The following FGF12 variants were observed in gnomAD, a reference collection of about 807,000 sequenced individuals.
FGF12 encodes the protein fibroblast growth factor 12, also known as fibroblast growth factor 12B.
FGF12 carries 14 observed loss-of-function variants against 23.6 expected under a neutral mutation model. The ratio of observed to expected loss-of-function variants is 0.59; its 90% CI spans 0.39 to 0.93. The LOEUF is 0.93. FGF12 is among the 40% of genes least tolerant of loss of function. The pLI, the probability that FGF12 is intolerant of heterozygous loss-of-function variation, is 0.00. For synonymous variants in FGF12, 62 were observed against 77.3 expected, an observed-to-expected ratio of 0.80 and a Z score of 1.04; for missense variants, 175 against 217.8, an observed-to-expected ratio of 0.80 and a Z score of 1.24.
At chr3:192,725,037 C>T (rs374780746) in intron 2 of FGF12, among the ~76,000 whole-genome samples, 5 of 152,132 alleles carry the variant, frequency 3.3e-5, no homozygotes, top group East Asian at 1.9e-4. Flanking sequence ...AGTTTGTACA[C>T]GGCAGCATAA....
chr3:192,626,809 C>A (rs1025151502), intron 2 of FGF12, among the ~76,000 whole-genome samples: 2 of 152,136 alleles, frequency 1.3e-5, no homozygotes, highest in African/African-American at 4.8e-5. Flanking sequence ...TGTCTCACTG[C>A]ATTGCCCAGG....
rs57045697 is a variant in FGF12, at chr3:192,686,815, A to ATTTTTTTTT, written c.13+40357_13+40365dup. Among the ~76,000 whole-genome samples, 18 of 61,480 alleles carry ATTTTTTTTT rather than the reference A, an allele frequency of 2.9e-4. 1 individual carries two copies. The highest frequency in any genetic ancestry group is 1.3e-3 in the African/African-American group (16 of 12,294). The allele number at this position is 61,480 out of a possible 152,430, so 40.3% of individuals were successfully genotyped here. A position where few individuals can be genotyped will look rare whatever the true frequency, so the allele number is the denominator to read the frequency against. The stretch of plus-strand genomic sequence containing the variant: ...AAAAAGACAATGACTTTTTTCTCTA[A>ATTTTTTTTT]TTTTTTTTTTTTTTTTTTTTTTTTT... On this transcript the variant is annotated intron_variant, in intron 2 of 5. Coordinates refer to ENST00000445105, the MANE Select transcript of FGF12 (RefSeq NM_004113.6).
At chr3:192,697,371 G>C (rs901809425) in intron 2 of FGF12, among the ~76,000 whole-genome samples, 4 of 152,144 alleles carry the variant, frequency 2.6e-5, no homozygotes, top group African/African-American at 9.7e-5. Flanking sequence ...TCTCCCATCA[G>C]CAATCTGAGG....
intron 2 of FGF12, among the ~76,000 whole-genome samples, chr3:192,397,079 G>T (rs2108766878): frequency 6.6e-6 from 1 of 152,320 alleles, no homozygotes; most frequent in East Asian, 1.9e-4. Flanking sequence ...TCAAAGAAGG[G>T]AGTTTTGTGG....
chr3:192,518,181 T>G (rs1361659236), intron 2 of FGF12, among the ~76,000 whole-genome samples: 3 of 152,194 alleles, frequency 2.0e-5, no homozygotes, highest in Non-Finnish European at 4.4e-5. Flanking sequence ...TAGTTGGGAT[T>G]TTTTAAAGTT....
At chr3:192,239,360 C>T (rs1353409244) in intron 4 of FGF12, among the ~76,000 whole-genome samples, 1 of 152,198 alleles carries the variant, frequency 6.6e-6, no homozygotes, top group East Asian at 1.9e-4. Flanking sequence ...GAACAAATCC[C>T]TGATCTCTTA....
rs934390167 is a variant in FGF12, at chr3:192,404,145, T to A, written c.14-43607A>T. On this transcript the variant is annotated intron_variant, in intron 2 of 5. Transcript: ENST00000445105. ...GAAGATCTTTAGGTTTTAAGATAGA[T>A]TTTTCCTGATTGATTATTCTTTTCA... Among the ~76,000 whole-genome samples, 11 of 152,290 alleles carry A rather than the reference T, an allele frequency of 7.2e-5. No individual in the cohort carries two copies. The South Asian group carries it at 2.1e-3, about 29-fold the overall frequency.
chr3:192,717,826 T>C (rs761384909), intron 2 of FGF12, among the ~76,000 whole-genome samples: 5 of 152,210 alleles, frequency 3.3e-5, no homozygotes, highest in South Asian at 2.1e-4. Flanking sequence ...CCCATGTTCA[T>C]AAACATGTTA....
chr3:192,258,150 G>A (rs765617600), intron 4 of FGF12, among the ~76,000 whole-genome samples: 5 of 151,934 alleles, frequency 3.3e-5, no homozygotes, highest in Non-Finnish European at 7.4e-5. Context: ...TATAAGACAC[G>A]ACAATAAATA....
At chr3:192,236,732 T>C (rs949562554) in intron 4 of FGF12, among the ~76,000 whole-genome samples, 3 of 152,170 alleles carry the variant, frequency 2.0e-5, no homozygotes, top group African/African-American at 7.2e-5. Context: ...TTTGAGCATA[T>C]GGATGTCATT....
At chr3:192,301,936 C>T (rs1715370756) in intron 4 of FGF12, among the ~76,000 whole-genome samples, 1 of 151,984 alleles carries the variant, frequency 6.6e-6, no homozygotes. Flanking sequence ...ATTTACTCTC[C>T]AAATCAGAGC....
intron 2 of FGF12, among the ~76,000 whole-genome samples, chr3:192,569,625 A>G (rs971531288): frequency 6.6e-6 from 1 of 152,242 alleles, no homozygotes; most frequent in Non-Finnish European, 1.5e-5. Context: ...AGTAAGATTT[A>G]TCGCAGGTAG....
In FGF12 at chr3:192,268,339, C is replaced by G. The variant is rs538327858; in HGVS notation, c.228+67022G>C. Among the ~76,000 whole-genome samples the G allele has an allele frequency of 3.9e-5, 6 of 152,272 alleles. No homozygotes were observed. The East Asian group carries it at 1.2e-3, about 29-fold the overall frequency. On this transcript the variant is annotated intron_variant, in intron 4 of 5. Transcript: ENST00000445105. ...TCTAAAACTAGATTTAACACCAGAA[C>G]TCTAGATGTGGGTTTTCAAATGGAA...
chr3:192,260,797 TA>T (rs963588994), intron 4 of FGF12, among the ~76,000 whole-genome samples: 1 of 152,120 alleles, frequency 6.6e-6, no homozygotes, highest in African/African-American at 2.4e-5. Context: ...ACTCATTTCT[TA>T]AAAAGTTAAA....
At chr3:192,497,096 C>A (rs1038676234) in intron 2 of FGF12, among the ~76,000 whole-genome samples, 2 of 152,172 alleles carry the variant, frequency 1.3e-5, no homozygotes, top group Non-Finnish European at 2.9e-5. Flanking sequence ...CTCTTCTCTA[C>A]TCCATGTGAA....
In FGF12 at chr3:192,143,249, G is replaced by C. The variant is rs1174191027; in HGVS notation, c.*760C>G. 1.4e-5 allele frequency: 2 copies of C among 146,554 alleles called. No homozygotes were observed. The highest frequency in any genetic ancestry group is 2.5e-5 in the African/African-American group (1 of 39,834). 9.1% of individuals were successfully genotyped at this position (146,554 alleles called of 1,614,324 possible). A position where few individuals can be genotyped will look rare whatever the true frequency, so the allele number is the denominator to read the frequency against. ...AAAAAAAAAAAAAAGAAAGAAAGAA[G>C]AACTCCGGAAATAATATCTTTGATA... On this transcript the variant is annotated 3_prime_UTR_variant, in exon 6 of 6. Transcript: ENST00000445105.
Position 192,170,276 on chromosome 3 carries a change from C to T in FGF12, c.427+182G>A, listed in dbSNP as rs11716735. ...GTGTGGGCGACAGAGCAAGACTCTG[C>T]CTCAAAAGAAAAAAAAAAAAAAAAA... is the stretch of plus-strand genomic sequence containing the variant. On this transcript the variant is annotated intron_variant, in intron 5 of 5. Transcript: ENST00000445105. 0.05 allele frequency among the ~76,000 whole-genome samples: 5,980 copies of T among 120,582 alleles called. 197 individuals are homozygous for T. Among genetic ancestry groups the T allele is most frequent in the South Asian group, 0.079 (262 of 3,314 alleles). The allele number at this position is 120,582 out of a possible 152,430, so 79.1% of individuals were successfully genotyped here. A position where few individuals can be genotyped will look rare whatever the true frequency, so the allele number is the denominator to read the frequency against.
At chr3:192,715,262 T>G (rs1341518810) in intron 2 of FGF12, among the ~76,000 whole-genome samples, 1 of 152,220 alleles carries the variant, frequency 6.6e-6, no homozygotes, top group Non-Finnish European at 1.5e-5. Flanking sequence ...TTCCAACCTT[T>G]CTTCCTTATA....
At chr3:192,219,064 T>A (rs936601328) in intron 4 of FGF12, among the ~76,000 whole-genome samples, 1 of 152,184 alleles carries the variant, frequency 6.6e-6, no homozygotes, top group Admixed American at 6.5e-5. Flanking sequence ...CATTTACTTA[T>A]AAATATCTAT....
Sources: allele counts gnomAD v4.1 joint callset (sites outside exome capture counted in the v4.1 genomes callset), GRCh38; gene constraint gnomAD v4.1.1; transcripts MANE v1.5; gene names NCBI Gene and HGNC (gene_info 2026-07-23, HGNC 2026-07-21).